Variants in PFKP observed in about 807,000 individuals in gnomAD.
PFKP encodes the protein ATP-dependent 6-phosphofructokinase, platelet type.
Under a neutral mutation model 94.3 loss-of-function variants are expected in PFKP, and 101 were observed. The ratio of observed to expected loss-of-function variants is 1.07; its 90% CI spans 0.91 to 1.26. The LOEUF is 1.26. PFKP is among the 50% of genes most tolerant of loss of function. The pLI, the probability that PFKP is intolerant of heterozygous loss-of-function variation, is 0.00. For missense variants in PFKP, 1,145 were observed against 1,103.3 expected, an observed-to-expected ratio of 1.04 and a Z score of -0.53; for synonymous variants, 573 against 432.6, an observed-to-expected ratio of 1.32 and a Z score of -4.03.
intron 16 of PFKP, among the ~76,000 whole-genome samples, chr10:3,122,443 C>G (rs1837523050): frequency 6.6e-6 from 1 of 152,232 alleles, no homozygotes; most frequent in Non-Finnish European, 1.5e-5. Context: ...CAGCTGTTTT[C>G]TCCAGAGCCC....
chr10:3,089,031 A>G (rs1238839846), intron 2 of PFKP, among the ~76,000 whole-genome samples: 1 of 152,176 alleles, frequency 6.6e-6, no homozygotes, highest in Non-Finnish European at 1.5e-5. Context: ...TCCCGGGTTC[A>G]AGCGATTCTC....
intron 1 of PFKP, among the ~76,000 whole-genome samples, chr10:3,080,800 C>G (rs550011204): frequency 6.6e-6 from 1 of 152,076 alleles, no homozygotes; most frequent in South Asian, 2.1e-4. Context: ...TGGCTCATGT[C>G]AGAGGGAGTC....
At chr10:3,093,482 T>G (rs1477702010) in intron 2 of PFKP, among the ~76,000 whole-genome samples, 1 of 152,132 alleles carries the variant, frequency 6.6e-6, no homozygotes, top group Admixed American at 6.5e-5. Flanking sequence ...GCCCATGCCT[T>G]CCACTAACAC....
intron 8 of PFKP, among the ~76,000 whole-genome samples, chr10:3,107,556 A>T (rs7342021): frequency 6.6e-6 from 1 of 152,170 alleles, no homozygotes; most frequent in African/African-American, 2.4e-5. Flanking sequence ...CAGCAGACAG[A>T]GGGGGTCAGC....
Position 3,067,558 on chromosome 10 carries a change from G to A in PFKP, c.-38G>A. The A allele has an allele frequency of 8.6e-7, 1 of 1,161,844 alleles. No homozygotes were observed. Among genetic ancestry groups the A allele is most frequent in the Non-Finnish European group, 1.2e-6 (1 of 817,074 alleles). The allele number at this position is 1,161,844 out of a possible 1,614,324, so 72.0% of individuals were successfully genotyped here. On this transcript the variant is annotated 5_prime_UTR_variant, in exon 1 of 22. Coordinates refer to ENST00000381125, the MANE Select transcript of PFKP (RefSeq NM_002627.5). ...GCGGGCAGGGTCCCCATTGCCTGCT[G>A]CGCACCCGGACGTGCGGCTCCCCTC...
intron 11 of PFKP, among the ~76,000 whole-genome samples, chr10:3,112,638 A>G (rs1341888478): frequency 3.3e-5 from 5 of 152,172 alleles, no homozygotes; most frequent in Non-Finnish European, 7.3e-5. Context: ...GCTCCCTGCA[A>G]TCTCTGCCTC....
At chr10:3,068,082 G>A (rs1432415782) in intron 1 of PFKP, among the ~76,000 whole-genome samples, 1 of 152,148 alleles carries the variant, frequency 6.6e-6, no homozygotes, top group African/African-American at 2.4e-5. Flanking sequence ...CGCCTGAAGC[G>A]CCCTCGGGGG....
chr10:3,079,998 G>A (rs1564267109), intron 1 of PFKP, among the ~76,000 whole-genome samples: 1 of 152,140 alleles, frequency 6.6e-6, no homozygotes, highest in Non-Finnish European at 1.5e-5. Flanking sequence ...TGGGAGGCAA[G>A]CCAGGCCCTT....
rs770538052 is a variant in PFKP, at chr10:3,133,085, T to C, written c.1911-118T>C. The C allele has an allele frequency of 2.6e-5, 19 of 741,308 alleles. 1 individual carries two copies. Among genetic ancestry groups the C allele is most frequent in the Non-Finnish European group, 4.2e-5 (17 of 409,346 alleles). The allele number at this position is 741,308 out of a possible 1,614,324, so 45.9% of individuals were successfully genotyped here. Reference sequence around the variant, plus strand: ...TGAACTGGAGGGACTGGTGTTGATGTAGAATCACCATAGGGTTGGGGGATG... The same window carrying C: ...TGAACTGGAGGGACTGGTGTTGATGCAGAATCACCATAGGGTTGGGGGATG... On this transcript the variant is annotated intron_variant, in intron 18 of 21. Coordinates refer to ENST00000381125, the MANE Select transcript of PFKP (RefSeq NM_002627.5).
At chr10:3,101,146 C>A in intron 3 of PFKP, 2 of 768,216 alleles carry the variant, frequency 2.6e-6, no homozygotes, top group Non-Finnish European at 4.3e-6. Flanking sequence ...CCCTCCCTGG[C>A]TCCTCCTGGG....
chr10:3,134,406 A>G, intron 19 of PFKP, 77 bp from the exon 20 acceptor site: 2 of 865,098 alleles, frequency 2.3e-6, no homozygotes, highest in Middle Eastern at 2.3e-4. Context: ...ATTCTGCAAA[A>G]TAGAAATTGT....
chr10:3,135,556 C>CA (rs1839164482), intron 20 of PFKP, among the ~76,000 whole-genome samples, 180 bp from the exon 21 acceptor site: 1 of 152,198 alleles, frequency 6.6e-6, no homozygotes, highest in Non-Finnish European at 1.5e-5. Context: ...CCCACAGGAG[C>CA]AGAGCTGCAC....
intron 8 of PFKP, chr10:3,107,692 G>T (rs1344916529): frequency 2.3e-5 from 22 of 968,268 alleles, no homozygotes; most frequent in Non-Finnish European, 2.6e-5. Context: ...GGAAAAGGCG[G>T]CGTCTTGCTA....
intron 2 of PFKP, 79 bp from the exon 3 acceptor site, chr10:3,099,196 C>T (rs909219104): frequency 6.5e-5 from 74 of 1,141,664 alleles, no homozygotes; most frequent in East Asian, 4.2e-4. Flanking sequence ...TCATTTTTCC[C>T]GTTTTATATA....
At chr10:3,110,154 G>A (rs1322387975) in intron 10 of PFKP, among the ~76,000 whole-genome samples, 1 of 152,192 alleles carries the variant, frequency 6.6e-6, no homozygotes, top group East Asian at 1.9e-4. Context: ...CATTGGTTCA[G>A]TAGTGGAGGT....
intron 17 of PFKP, among the ~76,000 whole-genome samples, chr10:3,131,200 C>A (rs556270563): frequency 1.3e-5 from 2 of 152,192 alleles, no homozygotes; most frequent in South Asian, 4.2e-4. Context: ...ACACAATTGC[C>A]TGCAGTATTC....
chr10:3,105,863 C>T (rs1588478061), intron 7 of PFKP, among the ~76,000 whole-genome samples: 1 of 152,160 alleles, frequency 6.6e-6, no homozygotes, highest in Non-Finnish European at 1.5e-5. Context: ...TAATAGAAAG[C>T]GAGTCCATTG....
chr10:3,108,595 T>A, intron 8 of PFKP, 106 bp from the exon 9 acceptor site: 1 of 801,286 alleles, frequency 1.2e-6, no homozygotes. Context: ...CATTTAGATC[T>A]GAAGAAAGAG....
chr10:3,091,574 G>A (rs1004431918), intron 2 of PFKP, among the ~76,000 whole-genome samples: 14 of 152,114 alleles, frequency 9.2e-5, no homozygotes, highest in African/African-American at 2.7e-4. Flanking sequence ...CAGTACTTTG[G>A]GAGGCTGAGG....
Sources: gnomAD v4.1 joint callset for allele counts (sites outside exome capture counted in the v4.1 genomes callset) on GRCh38, gnomAD v4.1.1 for gene constraint, MANE v1.5 for transcripts, NCBI Gene and HGNC (gene_info 2026-07-23, HGNC 2026-07-21) for gene names.